Variants in NDUFAF2 observed in about 807,000 individuals in gnomAD.
The protein encoded by NDUFAF2 is NADH:ubiquinone oxidoreductase complex assembly factor 2.
NDUFAF2 carries 13 observed loss-of-function variants against 22.8 expected under a neutral mutation model. That is an observed-to-expected ratio of 0.57 (90% CI 0.37 to 0.91). The LOEUF (loss-of-function observed/expected upper bound fraction) is 0.91. Among genes scored for constraint, NDUFAF2 ranks in the 40% least tolerant of loss-of-function variants. The pLI is 0.01. For missense variants in NDUFAF2, 162 were observed against 195.2 expected (o/e 0.83, Z 1.01); for synonymous variants, 53 against 64.2 (o/e 0.83, Z 0.84).
chr5:61,070,508 C>A (rs1752283116), intron 1 of NDUFAF2, among the ~76,000 whole-genome samples: 1 of 151,192 alleles, frequency 6.6e-6, no homozygotes, highest in African/African-American at 2.4e-5. Flanking sequence ...TTTAAAAAAT[C>A]TTTATTTCAA....
rs568438245 is a variant in NDUFAF2, at chr5:60,979,650, T to A, written c.127+34268T>A. Among the ~76,000 whole-genome samples the A allele has an allele frequency of 6.6e-5, 10 of 152,210 alleles. No individual in the cohort carries two copies. In the South Asian group the frequency reaches 1.7e-3, roughly 25 times the overall value. ...AGGTGCCGGCTCAGCCACAGTGGAA[T>A]AGAGCAGCAGGTAGATTCCTAAGGT... On this transcript the variant is annotated intron_variant, in intron 1 of 3. Coordinates refer to ENST00000296597, the MANE Select transcript of NDUFAF2 (RefSeq NM_174889.5).
chr5:61,109,013 G>T (rs1003372408), intron 3 of NDUFAF2, among the ~76,000 whole-genome samples: 4 of 152,022 alleles, frequency 2.6e-5, no homozygotes, highest in Non-Finnish European at 5.9e-5. Flanking sequence ...TATTTTGATA[G>T]GATTTGCATT....
At chr5:60,962,716 C>G (rs1021350812) in intron 1 of NDUFAF2, among the ~76,000 whole-genome samples, 1 of 151,340 alleles carries the variant, frequency 6.6e-6, no homozygotes, top group South Asian at 2.1e-4. Flanking sequence ...GCCTGTAGTC[C>G]CAGCTACTTT....
intron 2 of NDUFAF2, among the ~76,000 whole-genome samples, chr5:61,080,115 C>T (rs1271043792): frequency 6.6e-6 from 1 of 151,944 alleles, no homozygotes; most frequent in Non-Finnish European, 1.5e-5. Flanking sequence ...TTGCATGAAT[C>T]AGTAAGTTTA....
At chr5:61,132,920 T>TA (rs1753130760) in intron 3 of NDUFAF2, among the ~76,000 whole-genome samples, 1 of 152,032 alleles carries the variant, frequency 6.6e-6, no homozygotes. Flanking sequence ...GGTTATCCTC[T>TA]TAATCCCACC....
At chr5:61,070,876 T>C (rs1306302150) in intron 1 of NDUFAF2, among the ~76,000 whole-genome samples, 1 of 151,982 alleles carries the variant, frequency 6.6e-6, no homozygotes, top group Non-Finnish European at 1.5e-5. Context: ...GAGGATCCCA[T>C]GTATTTGCAT....
intron 2 of NDUFAF2, among the ~76,000 whole-genome samples, chr5:61,090,240 A>G (rs1381791955): frequency 6.6e-6 from 1 of 152,096 alleles, no homozygotes; most frequent in Non-Finnish European, 1.5e-5. Flanking sequence ...TTTTCTTTAA[A>G]GGTCCGGATG....
chr5:61,128,219 T>C (rs568326257), intron 3 of NDUFAF2, among the ~76,000 whole-genome samples: 257 of 152,316 alleles, frequency 1.7e-3, no homozygotes, highest in African/African-American at 5.9e-3. Context: ...ATGGCCATAC[T>C]GCCCAAGGTA....
At chr5:60,962,526 C>T (rs1750702419) in intron 1 of NDUFAF2, among the ~76,000 whole-genome samples, 1 of 152,078 alleles carries the variant, frequency 6.6e-6, no homozygotes, top group African/African-American at 2.4e-5. Flanking sequence ...TTGCATTCAC[C>T]TTGTGCTACA....
At chr5:61,107,046 T>TACACACACACACAC (rs59521177) in intron 3 of NDUFAF2, among the ~76,000 whole-genome samples, 8,288 of 123,820 alleles carry the variant, frequency 0.067, 335 homozygotes, top group Non-Finnish European at 0.084. Flanking sequence ...TGGATAAATA[T>TACACACACACACAC]ACACACACAC....
intron 3 of NDUFAF2, chr5:61,115,809 A>G (rs1033519186): frequency 2.6e-5 from 4 of 152,186 alleles, no homozygotes; most frequent in Non-Finnish European, 5.9e-5. Context: ...TTATTAAATA[A>G]TAGCATTATA....
intron 1 of NDUFAF2, among the ~76,000 whole-genome samples, chr5:60,971,405 G>T (rs1238862721): frequency 6.6e-6 from 1 of 151,664 alleles, no homozygotes; most frequent in Non-Finnish European, 1.5e-5. Flanking sequence ...TCCTGCCTCA[G>T]CCTCTCGAGT....
intron 1 of NDUFAF2, among the ~76,000 whole-genome samples, chr5:60,983,909 T>C (rs1424760415): frequency 5.9e-5 from 9 of 152,194 alleles, no homozygotes; most frequent in African/African-American, 1.9e-4. Context: ...ATATGAACTT[T>C]AAAGTAGTTT....
chr5:60,971,124 C>G (rs926558178), intron 1 of NDUFAF2, among the ~76,000 whole-genome samples: 1 of 143,572 alleles, frequency 7.0e-6, no homozygotes, highest in Admixed American at 7.4e-5. Context: ...ATTTGAATCA[C>G]AACCTCTATT....
rs568812878 is a variant in NDUFAF2 at position 61,086,772 on chromosome 5, G to T, written c.218-12220G>T. Among the ~76,000 whole-genome samples the T allele has an allele frequency of 1.0e-3, 157 of 151,938 alleles. 2 individuals carry two copies. The highest frequency in any genetic ancestry group is 3.7e-3 in the African/African-American group (153 of 41,472). On this transcript the variant is annotated intron_variant, in intron 2 of 3. Transcript: ENST00000296597. The stretch of plus-strand genomic sequence containing the variant: ...ACAAACTTAAAAAAAATGATAAATT[G>T]GACTTCACCAAAATTTTACAGATTC...
At chr5:61,129,340 C>T (rs1302375010) in intron 3 of NDUFAF2, among the ~76,000 whole-genome samples, 1 of 152,088 alleles carries the variant, frequency 6.6e-6, no homozygotes, top group Non-Finnish European at 1.5e-5. Context: ...GACACATGGA[C>T]ATGTATGTTT....
intron 3 of NDUFAF2, among the ~76,000 whole-genome samples, chr5:61,110,911 G>A (rs761149531): frequency 1.5e-4 from 23 of 151,852 alleles, no homozygotes; most frequent in Non-Finnish European, 2.4e-4. Context: ...TCATTGTCAG[G>A]TTAGTTGAAG....
intron 1 of NDUFAF2, among the ~76,000 whole-genome samples, chr5:61,002,301 T>A (rs909211320): frequency 2.6e-4 from 39 of 152,162 alleles, no homozygotes; most frequent in African/African-American, 9.2e-4. Flanking sequence ...CTTACTTCTC[T>A]GTCAGATCAA....
intron 2 of NDUFAF2, among the ~76,000 whole-genome samples, chr5:61,093,059 C>G (rs1048285765): frequency 6.6e-6 from 1 of 152,202 alleles, no homozygotes; most frequent in Non-Finnish European, 1.5e-5. Flanking sequence ...AATCTAAAAA[C>G]TGAAGGACTT....
Sources: allele counts gnomAD v4.1 joint callset (sites outside exome capture counted in the v4.1 genomes callset), GRCh38; gene constraint gnomAD v4.1.1; transcripts MANE v1.5; gene names NCBI Gene and HGNC (gene_info 2026-07-23, HGNC 2026-07-21).